The following KCNQ3 variants were observed in gnomAD, a reference collection of about 807,000 sequenced individuals.
KCNQ3 encodes potassium voltage-gated channel subfamily Q member 3, also known as potassium voltage-gated channel subfamily KQT member 3.
Under a neutral mutation model 92.5 loss-of-function variants are expected in KCNQ3, and 30 were observed. The ratio of observed to expected loss-of-function variants is 0.32; its 90% CI spans 0.24 to 0.44. KCNQ3 has a LOEUF of 0.44. KCNQ3 is among the 20% of genes least tolerant of loss of function. The pLI, the probability that KCNQ3 is intolerant of heterozygous loss-of-function variation, is 1.00. For synonymous variants in KCNQ3, 450 were observed against 468.8 expected (o/e 0.96, Z 0.52); for missense variants, 913 against 1,140.3 (o/e 0.80, Z 2.87).
At chr8:132,431,782 A>G (rs1489797983) in intron 1 of KCNQ3, among the ~76,000 whole-genome samples, 1 of 152,176 alleles carries the variant, frequency 6.6e-6, no homozygotes, top group Non-Finnish European at 1.5e-5. Context: ...CTAGACAAGC[A>G]ACTCCCTGGG....
At chr8:132,338,282 ACCCAGGT>A (rs770880965) in intron 1 of KCNQ3, among the ~76,000 whole-genome samples, 10 of 152,174 alleles carry the variant, frequency 6.6e-5, no homozygotes, top group Non-Finnish European at 1.5e-4. Context: ...GAAATTAAAC[ACCCAGGT>A]CTGACTTCCC....
intron 1 of KCNQ3, among the ~76,000 whole-genome samples, chr8:132,329,055 G>A (rs944101250): frequency 5.3e-5 from 8 of 152,208 alleles, no homozygotes; most frequent in Admixed American, 3.9e-4. Context: ...GAACACTGGA[G>A]GAGGAGGATT....
intron 1 of KCNQ3, among the ~76,000 whole-genome samples, chr8:132,187,009 T>C (rs991331040): frequency 1.6e-5 from 2 of 124,778 alleles, no homozygotes; most frequent in Non-Finnish European, 3.4e-5. Flanking sequence ...AGTCCCTGTT[T>C]CATTGTTTTA....
In KCNQ3 at chr8:132,240,170, T is replaced by C. The variant is rs191204016; in HGVS notation, c.387-53989A>G. Among the ~76,000 whole-genome samples, 168 of 149,346 alleles carry C rather than the reference T, an allele frequency of 1.1e-3. 4 individuals are homozygous for C. Among genetic ancestry groups the C allele is most frequent in the East Asian group, 4.0e-4 (2 of 5,006 alleles). On this transcript the variant is annotated intron_variant, in intron 1 of 14. Transcript: ENST00000388996. Reference sequence around the variant, plus strand: ...TGGGAGGATGGCATATCCATAGGCCTGTGCCATGATTCTTTTTTTTTTTTT... The same window carrying C: ...TGGGAGGATGGCATATCCATAGGCCCGTGCCATGATTCTTTTTTTTTTTTT...
chr8:132,319,826 C>T (rs531615394), intron 1 of KCNQ3, among the ~76,000 whole-genome samples: 1 of 152,236 alleles, frequency 6.6e-6, no homozygotes, highest in East Asian at 1.9e-4. Context: ...GGACATGGGG[C>T]CTGAAGCCTA....
chr8:132,255,438 A>C (rs1386878452), intron 1 of KCNQ3, among the ~76,000 whole-genome samples: 1 of 152,234 alleles, frequency 6.6e-6, no homozygotes, highest in Non-Finnish European at 1.5e-5. Flanking sequence ...GTTAAGCAAA[A>C]AACTTAAAAG....
At chr8:132,432,447 G>A (rs970281023) in intron 1 of KCNQ3, among the ~76,000 whole-genome samples, 6 of 151,956 alleles carry the variant, frequency 3.9e-5, no homozygotes, top group African/African-American at 1.5e-4. Context: ...AATCAAAAAT[G>A]TATTAAATAC....
chr8:132,348,752 A>G (rs1818770534), intron 1 of KCNQ3, among the ~76,000 whole-genome samples: 1 of 151,496 alleles, frequency 6.6e-6, no homozygotes, highest in African/African-American at 2.4e-5. Flanking sequence ...CCTGAAAGTG[A>G]CTCCTTCTTG....
intron 1 of KCNQ3, among the ~76,000 whole-genome samples, chr8:132,466,883 A>G (rs1265248251): frequency 6.6e-6 from 1 of 152,206 alleles, no homozygotes; most frequent in Non-Finnish European, 1.5e-5. Context: ...AAACGTCTCT[A>G]AAGACTCCTC....
chr8:132,401,232 CA>C (rs1820323286), intron 1 of KCNQ3, among the ~76,000 whole-genome samples: 1 of 152,174 alleles, frequency 6.6e-6, no homozygotes, highest in Admixed American at 6.5e-5. Flanking sequence ...AAGGAAAACA[CA>C]AAGAGAAGGC....
In KCNQ3 at chr8:132,225,784, C is replaced by T. The variant is rs566931845; in HGVS notation, c.387-39603G>A. Among the ~76,000 whole-genome samples, 232 of 152,308 alleles carry T rather than the reference C, an allele frequency of 1.5e-3. 1 individual carries two copies. In the South Asian group the frequency reaches 0.022, roughly 14 times the overall value. On this transcript the variant is annotated intron_variant, in intron 1 of 14. Coordinates refer to ENST00000388996, the MANE Select transcript of KCNQ3 (RefSeq NM_004519.4). ...TACTTACAGAGTCCAGGCTAACAGC[C>T]TCCAGGACCTGCATGCAACCAGAAA... is the stretch of plus-strand genomic sequence containing the variant.
At chr8:132,324,053 G>C (rs1817971236) in intron 1 of KCNQ3, among the ~76,000 whole-genome samples, 2 of 152,092 alleles carry the variant, frequency 1.3e-5, no homozygotes, top group South Asian at 4.1e-4. Context: ...CCATCATACT[G>C]TTTCATCCCT....
chr8:132,298,818 G>T (rs1817126830), intron 1 of KCNQ3, among the ~76,000 whole-genome samples: 1 of 152,120 alleles, frequency 6.6e-6, no homozygotes, highest in Non-Finnish European at 1.5e-5. Flanking sequence ...CTGAGGCAGA[G>T]AATCCTTTGA....
chr8:132,316,945 AG>A (rs1817760559), intron 1 of KCNQ3, among the ~76,000 whole-genome samples: 2 of 152,228 alleles, frequency 1.3e-5, no homozygotes, highest in South Asian at 4.1e-4. Flanking sequence ...GACTCTGGAC[AG>A]GGGCTGCTGG....
chr8:132,309,030 C>G (rs1055241579), intron 1 of KCNQ3, among the ~76,000 whole-genome samples: 2 of 152,118 alleles, frequency 1.3e-5, no homozygotes, highest in Non-Finnish European at 2.9e-5. Flanking sequence ...GAGACAGACC[C>G]ACCCTCAATC....
intron 1 of KCNQ3, among the ~76,000 whole-genome samples, chr8:132,234,315 G>A (rs866582201): frequency 1.4e-5 from 2 of 142,504 alleles, no homozygotes; most frequent in Non-Finnish European, 3.0e-5. Context: ...AGCAAAAACT[G>A]TGCATAATTC....
intron 1 of KCNQ3, among the ~76,000 whole-genome samples, chr8:132,413,160 C>A (rs952342389): frequency 6.6e-6 from 1 of 152,236 alleles, no homozygotes; most frequent in African/African-American, 2.4e-5. Flanking sequence ...GTGTTCTCGC[C>A]ACGCTACAAA....
At chr8:132,136,575 T>A (rs1036193983) in intron 12 of KCNQ3, among the ~76,000 whole-genome samples, 5 of 152,216 alleles carry the variant, frequency 3.3e-5, no homozygotes, top group Admixed American at 3.3e-4. Flanking sequence ...TGTGTGCATG[T>A]CCTGTGTGTT....
chr8:132,450,100 G>A (rs1346350966), intron 1 of KCNQ3, among the ~76,000 whole-genome samples: 4 of 152,178 alleles, frequency 2.6e-5, no homozygotes, highest in Non-Finnish European at 5.9e-5. Flanking sequence ...AAGAGCAAAA[G>A]CACAAAGCTT....
Sources: gnomAD v4.1 joint callset for allele counts (sites outside exome capture counted in the v4.1 genomes callset) on GRCh38, gnomAD v4.1.1 for gene constraint, MANE v1.5 for transcripts, NCBI Gene and HGNC (gene_info 2026-07-23, HGNC 2026-07-21) for gene names.